The following DCC variants were observed in gnomAD, a reference collection of about 807,000 sequenced individuals.
DCC encodes the protein DCC netrin 1 receptor, also known as netrin receptor DCC.
DCC carries 58 observed loss-of-function variants against 172.5 expected under a neutral mutation model. That is an observed-to-expected ratio of 0.34 (90% CI 0.27 to 0.42). The LOEUF is 0.42. Ranked by LOEUF, DCC falls within the 10% of genes least tolerant of loss-of-function variation. DCC has a pLI of 1.00. For synonymous variants in DCC, 709 were observed against 644.5 expected, an observed-to-expected ratio of 1.10 and a Z score of -1.52; for missense variants, 1,740 against 1,791.0, an observed-to-expected ratio of 0.97 and a Z score of 0.51.
intron 5 of DCC, among the ~76,000 whole-genome samples, chr18:52,951,392 C>A (rs1031574715): frequency 1.3e-5 from 2 of 152,242 alleles, no homozygotes; most frequent in South Asian, 4.2e-4. Flanking sequence ...GTTTTAAGCC[C>A]TGCATGCATT....
chr18:52,549,698 C>G (rs1283299705), intron 1 of DCC, among the ~76,000 whole-genome samples: 3 of 152,032 alleles, frequency 2.0e-5, no homozygotes, highest in African/African-American at 4.8e-5. Flanking sequence ...TATCAAGCAG[C>G]CTTACTAACA....
At chr18:52,808,904 A>C (rs2038141409) in intron 2 of DCC, among the ~76,000 whole-genome samples, 1 of 152,218 alleles carries the variant, frequency 6.6e-6, no homozygotes, top group African/African-American at 2.4e-5. Context: ...CTTAATGACC[A>C]ATTAAAGCTC....
chr18:53,118,421 A>C (rs1246222960), intron 7 of DCC, among the ~76,000 whole-genome samples: 1 of 151,772 alleles, frequency 6.6e-6, no homozygotes, highest in Non-Finnish European at 1.5e-5. Flanking sequence ...TTGAGTGATT[A>C]TTCCATGTCA....
chr18:53,026,158 A>AT (rs909417999), intron 5 of DCC, among the ~76,000 whole-genome samples: 2 of 151,896 alleles, frequency 1.3e-5, no homozygotes, highest in African/African-American at 2.4e-5. Flanking sequence ...TATTAGTGTA[A>AT]TTTTTTTGGA....
At chr18:53,394,116 T>G (rs1232281904) in intron 17 of DCC, among the ~76,000 whole-genome samples, 1 of 152,186 alleles carries the variant, frequency 6.6e-6, no homozygotes, top group Non-Finnish European at 1.5e-5. Context: ...AGGCAGGACA[T>G]ACACACAATA....
intron 2 of DCC, among the ~76,000 whole-genome samples, chr18:52,809,045 C>T (rs968723804): frequency 1.3e-5 from 2 of 152,170 alleles, no homozygotes; most frequent in Admixed American, 6.5e-5. Flanking sequence ...ATATGCCAAA[C>T]AGTCAGTAAT....
At chr18:52,692,151 C>T (rs2035938745) in intron 1 of DCC, among the ~76,000 whole-genome samples, 1 of 152,094 alleles carries the variant, frequency 6.6e-6, no homozygotes, top group Non-Finnish European at 1.5e-5. Flanking sequence ...AGGAGGTGGG[C>T]TTTGGCCCTC....
intron 2 of DCC, among the ~76,000 whole-genome samples, chr18:52,853,796 C>CA (rs2039012349): frequency 6.6e-6 from 1 of 152,158 alleles, no homozygotes; most frequent in Non-Finnish European, 1.5e-5. Flanking sequence ...ACCCAACATG[C>CA]AAAAATGATG....
chr18:52,958,177 T>C (rs2040778588), intron 5 of DCC, among the ~76,000 whole-genome samples: 1 of 152,176 alleles, frequency 6.6e-6, no homozygotes, highest in Admixed American at 6.5e-5. Flanking sequence ...TTTTAAATTA[T>C]AGTTTCTATT....
chr18:52,603,707 A>C (rs2034064887), intron 1 of DCC, among the ~76,000 whole-genome samples: 1 of 151,918 alleles, frequency 6.6e-6, no homozygotes, highest in Admixed American at 6.6e-5. Flanking sequence ...AAAAGGAAAA[A>C]CAGAAAGGAA....
chr18:52,540,317 C>A (rs1349017422), intron 1 of DCC, among the ~76,000 whole-genome samples: 1 of 151,896 alleles, frequency 6.6e-6, no homozygotes, highest in Non-Finnish European at 1.5e-5. Context: ...GTCATAGCTA[C>A]TTGGGAGACT....
At position 53,531,921 on chromosome 18, in the gene DCC, C is replaced by A. The variant is rs1239128089; in HGVS notation, c.*1268C>A. 1 of 152,226 alleles carries A rather than the reference C, an allele frequency of 6.6e-6. No homozygotes were observed. The highest frequency in any genetic ancestry group is 1.5e-5 in the Non-Finnish European group (1 of 68,050). The allele number at this position is 152,226 out of a possible 1,614,324, so 9.4% of individuals were successfully genotyped here. A position where few individuals can be genotyped will look rare whatever the true frequency, so the allele number is the denominator to read the frequency against. ...ATACTTTTCAAAGCAGCATCTTAAA[C>A]TGTGGACTACAGTTTTAAACTTCTA... On this transcript the variant is annotated 3_prime_UTR_variant, in exon 29 of 29. Transcript: ENST00000442544.
chr18:52,531,022 C>T (rs1331502994), intron 1 of DCC, among the ~76,000 whole-genome samples: 2 of 152,216 alleles, frequency 1.3e-5, no homozygotes, highest in African/African-American at 4.8e-5. Context: ...AACTTGGCCT[C>T]TAAACATCTT....
chr18:52,869,483 C>T (rs2039283083), intron 2 of DCC, among the ~76,000 whole-genome samples: 2 of 152,208 alleles, frequency 1.3e-5, no homozygotes, highest in African/African-American at 2.4e-5. Context: ...CCACAAGTTT[C>T]CACTCTGGTC....
chr18:52,633,895 C>T (rs1216678604), intron 1 of DCC, among the ~76,000 whole-genome samples: 14 of 152,196 alleles, frequency 9.2e-5, no homozygotes, highest in Admixed American at 2.6e-4. Context: ...AGTGCTGTAA[C>T]GCTAGCACAG....
chr18:53,185,194 T>C (rs2055261046), intron 9 of DCC, among the ~76,000 whole-genome samples: 1 of 152,216 alleles, frequency 6.6e-6, no homozygotes, highest in African/African-American at 2.4e-5. Context: ...TAGTATCCTC[T>C]GTGACCAAAG....
intron 13 of DCC, among the ~76,000 whole-genome samples, chr18:53,320,540 C>T (rs189153895): frequency 1.2e-3 from 181 of 152,212 alleles, no homozygotes; most frequent in African/African-American, 4.2e-3. Context: ...AACAACAGTG[C>T]CTACTAAATG....
chr18:52,633,221 G>T lies in DCC; in HGVS notation c.92-118833G>T, dbSNP rs186145985. Among the ~76,000 whole-genome samples, 27 of 151,958 alleles carry T rather than the reference G, an allele frequency of 1.8e-4. No homozygotes were observed. In the East Asian group the frequency reaches 4.9e-3, roughly 27 times the overall value. On this transcript the variant is annotated intron_variant, in intron 1 of 28. Coordinates refer to ENST00000442544, the MANE Select transcript of DCC (RefSeq NM_005215.4). Reference sequence around the variant, plus strand: ...ATTTTGAGAGCTTATCTTATTTGGGGCTCATCAGCAGGATCCATTCATTCT... The same window carrying T: ...ATTTTGAGAGCTTATCTTATTTGGGTCTCATCAGCAGGATCCATTCATTCT...
intron 15 of DCC, among the ~76,000 whole-genome samples, chr18:53,359,625 G>A (rs2057921559): frequency 6.6e-6 from 1 of 152,174 alleles, no homozygotes. Context: ...ATTGTTAAAT[G>A]CCTCTTCCCC....
Sources: gnomAD v4.1 joint callset for allele counts (sites outside exome capture counted in the v4.1 genomes callset) on GRCh38, gnomAD v4.1.1 for gene constraint, MANE v1.5 for transcripts, NCBI Gene and HGNC (gene_info 2026-07-23, HGNC 2026-07-21) for gene names.